Variants in PCDHGA4 observed in about 807,000 individuals in gnomAD.
PCDHGA4 encodes protocadherin gamma subfamily A, 4, also known as protocadherin gamma-A4.
PCDHGA4 carries 38 observed loss-of-function variants against 54.6 expected under a neutral mutation model. That is an observed-to-expected ratio of 0.70 (90% CI 0.54 to 0.91). The LOEUF (loss-of-function observed/expected upper bound fraction) is 0.91, where lower values mean the gene tolerates loss of function less well. Among genes scored for constraint, PCDHGA4 ranks in the 40% least tolerant of loss-of-function variants. PCDHGA4 has a pLI of 0.00. For missense variants in PCDHGA4, 1,298 were observed against 1,220.9 expected (o/e 1.06, Z -0.94); for synonymous variants, 511 against 512.9 (o/e 1.00, Z 0.05).
At chr5:141,374,953 A>G (rs748125378) in intron 1 of PCDHGA4, 1 of 1,614,024 alleles carries the variant, frequency 6.2e-7, no homozygotes, top group Non-Finnish European at 8.5e-7. Context: ...AGATCTCACA[A>G]ATTTTCTGTT....
intron 1 of PCDHGA4, chr5:141,414,845 T>C: frequency 1.2e-6 from 2 of 1,614,218 alleles, no homozygotes; most frequent in South Asian, 1.1e-5. Flanking sequence ...CTGTTTGTGC[T>C]GGACCAGAAC....
At chr5:141,483,222 C>A (rs1011389295) in intron 1 of PCDHGA4, among the ~76,000 whole-genome samples, 4 of 152,078 alleles carry the variant, frequency 2.6e-5, no homozygotes, top group African/African-American at 9.7e-5. Context: ...ACAGTCACTG[C>A]AGAAATTTGA....
intron 1 of PCDHGA4, chr5:141,382,970 G>A (rs776231859): frequency 1.9e-6 from 3 of 1,609,444 alleles, no homozygotes; most frequent in Non-Finnish European, 2.5e-6. Context: ...GGGACCCCCT[G>A]GGAAGCCTGG....
chr5:141,421,855 C>T (rs1329066630), intron 1 of PCDHGA4: 1 of 1,613,764 alleles, frequency 6.2e-7, no homozygotes, highest in East Asian at 2.2e-5. Context: ...GGCTGCTCAC[C>T]TGCTCCTCCT....
At position 141,413,561 on chromosome 5, in the gene PCDHGA4, AT is replaced by A. The variant is rs1363955348; in HGVS notation, c.2514+55941del. The stretch of plus-strand genomic sequence containing the variant: ...TTTGGGATAGAAATAGAAGTAACTG[AT>A]ATCAATGACAATGCTCCAAAATTCC... On this transcript the variant is annotated intron_variant, in intron 1 of 3. Coordinates refer to ENST00000571252, the MANE Select transcript of PCDHGA4 (RefSeq NM_018917.4). The A allele has an allele frequency of 6.2e-6, 10 of 1,613,806 alleles. No individual in the cohort carries two copies. In the Admixed American group the frequency reaches 1.3e-4, roughly 22 times the overall value.
chr5:141,444,152 ATTTTTTTTTTTTTTTTTTTTTTTTT>A (rs747671382), intron 1 of PCDHGA4, among the ~76,000 whole-genome samples: 1 of 33,882 alleles, frequency 3.0e-5, no homozygotes, highest in Non-Finnish European at 5.2e-5. Context: ...TGTGTACTGG[ATTTTTTTTTTTTTTTTTTTTTTTTT>A]TTTTTTTTTT....
chr5:141,415,584 T>C lies in PCDHGA4; in HGVS notation c.2514+57963T>C, dbSNP rs763238799. 7.4e-6 allele frequency: 12 copies of C among 1,614,012 alleles called. No individual in the cohort carries two copies. In the South Asian group the frequency reaches 1.3e-4, roughly 18 times the overall value. ...TGTCTTTGTTAGATGATTCGAAGTT[T>C]CCTATAGAGGATACCCCATTGGTTC... On this transcript the variant is annotated intron_variant, in intron 1 of 3. Coordinates refer to ENST00000571252, the MANE Select transcript of PCDHGA4 (RefSeq NM_018917.4).
At chr5:141,429,924 A>T (rs2097252885) in intron 1 of PCDHGA4, among the ~76,000 whole-genome samples, 1 of 152,210 alleles carries the variant, frequency 6.6e-6, no homozygotes, top group Admixed American at 6.5e-5. Context: ...GTATTAATAG[A>T]ATTCTGGAGT....
chr5:141,390,118 C>A (rs1031170621), intron 1 of PCDHGA4: 2 of 1,613,918 alleles, frequency 1.2e-6, no homozygotes, highest in African/African-American at 2.7e-5. Context: ...AGCGAGGGGA[C>A]TTTGCCTTAT....
At chr5:141,421,252 G>A in intron 1 of PCDHGA4, 1 of 1,607,158 alleles carries the variant, frequency 6.2e-7, no homozygotes, top group Non-Finnish European at 8.5e-7. Context: ...ACAGCGCGGG[G>A]ACCGCAGTCG....
chr5:141,505,363 T>A, intron 2 of PCDHGA4, 30 bp from the exon 3 acceptor site: 1 of 1,613,360 alleles, frequency 6.2e-7, no homozygotes, highest in Non-Finnish European at 8.5e-7. Context: ...GGCCTGGGAG[T>A]CTGTGCTCAC....
At chr5:141,383,956 A>T in intron 1 of PCDHGA4, 2 of 1,613,670 alleles carry the variant, frequency 1.2e-6, no homozygotes, top group South Asian at 1.1e-5. Flanking sequence ...GACGTCTTTA[A>T]GTAGCTCAAT....
rs1246750536 is a variant in PCDHGA4 at position 141,386,428 on chromosome 5, C to T, written c.2514+28807C>T. On this transcript the variant is annotated intron_variant, in intron 1 of 3. Coordinates refer to ENST00000571252, the MANE Select transcript of PCDHGA4 (RefSeq NM_018917.4). ...TATGGTGTTGCAAGCTGTAGCCCAC[C>T]TGCATGGGAGGCTGAGGCAAGAGGA... Among the ~76,000 whole-genome samples the T allele has an allele frequency of 3.3e-5, 5 of 152,036 alleles. No individual in the cohort carries two copies. In the South Asian group the frequency reaches 6.2e-4, roughly 19 times the overall value.
rs1419365808 is a variant in PCDHGA4 at position 141,477,321 on chromosome 5, C to G, written c.2515-17486C>G. 1.2e-6 allele frequency: 2 copies of G among 1,614,160 alleles called. No homozygotes were observed. Among genetic ancestry groups the G allele is most frequent in the East Asian group, 4.5e-5 (2 of 44,874 alleles). On this transcript the variant is annotated intron_variant, in intron 1 of 3. Coordinates refer to ENST00000571252, the MANE Select transcript of PCDHGA4 (RefSeq NM_018917.4). The surrounding 1 kb of genome is among the most constrained non-coding windows in gnomAD (Gnocchi z 4.9). Reference sequence around the variant, plus strand: ...GGTCTCCCTTTCAGCCTTACTTCTTCCCTCAAGAATTACTTCACTTTGAAA... The same window carrying G: ...GGTCTCCCTTTCAGCCTTACTTCTTGCCTCAAGAATTACTTCACTTTGAAA...
rs1409012917 is a variant in PCDHGA4 at position 141,512,928 on chromosome 5, T to A, written c.*1755T>A. On this transcript the variant is annotated 3_prime_UTR_variant, in exon 4 of 4. Transcript: ENST00000571252. ...CAAGTTTTATACTCTAATATTTATA[T>A]GGCTTTTTTTCTTCGACAAAAAAAT... is the stretch of plus-strand genomic sequence containing the variant. 1.3e-5 allele frequency: 2 copies of A among 152,190 alleles called. No individual in the cohort carries two copies. Among genetic ancestry groups the A allele is most frequent in the Non-Finnish European group, 2.9e-5 (2 of 68,044 alleles). The allele number at this position is 152,190 out of a possible 1,614,324, so 9.4% of individuals were successfully genotyped here.
chr5:141,449,830 T>G (rs1316368063), intron 1 of PCDHGA4, among the ~76,000 whole-genome samples: 1 of 151,724 alleles, frequency 6.6e-6, no homozygotes, highest in Non-Finnish European at 1.5e-5. Flanking sequence ...AAGGACATTC[T>G]TTTATATAAT....
chr5:141,467,371 A>G, intron 1 of PCDHGA4, among the ~76,000 whole-genome samples: 1 of 151,906 alleles, frequency 6.6e-6, no homozygotes, highest in Non-Finnish European at 1.5e-5. Context: ...GTTTTCTTAT[A>G]TTGCATTTAG....
At position 141,476,645 on chromosome 5, in the gene PCDHGA4, A is replaced by G. The variant is rs150444699; in HGVS notation, c.2515-18162A>G. The G allele has an allele frequency of 1.2e-4, 199 of 1,614,128 alleles. No homozygotes were observed. Among genetic ancestry groups the G allele is most frequent in the Non-Finnish European group, 1.6e-4 (194 of 1,180,060 alleles). ...TTTACAAACCTATGAGCTGAGCCGA[A>G]ATGAATACTTTGCGCTTCGCGTGCA... On this transcript the variant is annotated intron_variant, in intron 1 of 3. Transcript: ENST00000571252. The surrounding 1 kb of genome is among the most constrained non-coding windows in gnomAD (Gnocchi z 7.6).
intron 1 of PCDHGA4, among the ~76,000 whole-genome samples, chr5:141,483,517 CCTGA>C (rs72004558): frequency 0.16 from 24,470 of 151,950 alleles, 2,064 homozygotes; most frequent in African/African-American, 0.21. Context: ...CCCCCTAGAT[CCTGA>C]CTAAGGAAGC....
Sources: gnomAD v4.1 joint callset for allele counts (sites outside exome capture counted in the v4.1 genomes callset) on GRCh38, gnomAD v4.1.1 for gene constraint, Gnocchi (gnomAD v3.1) non-coding constraint, MANE v1.5 for transcripts, NCBI Gene and HGNC (gene_info 2026-07-23, HGNC 2026-07-21) for gene names.